Variants in GLRB observed in about 807,000 individuals in gnomAD.
GLRB encodes the protein glycine receptor subunit beta.
A neutral mutation model predicts 54.2 loss-of-function variants in GLRB; 33 were observed. That is an observed-to-expected ratio of 0.61 (90% CI 0.46 to 0.81). GLRB has a LOEUF of 0.81. GLRB is among the 40% of genes least tolerant of loss of function. GLRB has a pLI of 0.00. For synonymous variants in GLRB, 209 were observed against 208.2 expected (o/e 1.00, Z -0.03); for missense variants, 572 against 584.6 (o/e 0.98, Z 0.22).
At chr4:157,150,213 G>A (rs966347130) in intron 8 of GLRB, among the ~76,000 whole-genome samples, 8 of 152,052 alleles carry the variant, frequency 5.3e-5, no homozygotes, top group African/African-American at 1.9e-4. Context: ...TTTTTACAAA[G>A]TAGCATTATT....
intron 2 of GLRB, among the ~76,000 whole-genome samples, chr4:157,083,330 C>T (rs1384324017): frequency 6.6e-6 from 1 of 151,978 alleles, no homozygotes; most frequent in African/African-American, 2.4e-5. Flanking sequence ...TTGCTTGGCA[C>T]CAATAATTAA....
At chr4:157,155,817 A>T (rs949083912) in intron 9 of GLRB, among the ~76,000 whole-genome samples, 5 of 152,084 alleles carry the variant, frequency 3.3e-5, no homozygotes, top group African/African-American at 1.2e-4. Context: ...GCTTGTTGAA[A>T]ATATAGATGT....
chr4:157,093,189 A>G (rs891003592), intron 2 of GLRB, among the ~76,000 whole-genome samples: 8 of 151,598 alleles, frequency 5.3e-5, no homozygotes, highest in African/African-American at 1.9e-4. Context: ...ATAGAATGCT[A>G]CTTTCTGAGC....
chr4:157,143,206 C>T (rs1397617044), intron 7 of GLRB, among the ~76,000 whole-genome samples: 1 of 151,954 alleles, frequency 6.6e-6, no homozygotes, highest in Non-Finnish European at 1.5e-5. Flanking sequence ...GAGGAATATC[C>T]GATGTTTGCA....
intron 2 of GLRB, among the ~76,000 whole-genome samples, chr4:157,117,714 G>A (rs1180035997): frequency 1.3e-5 from 2 of 151,594 alleles, no homozygotes; most frequent in Non-Finnish European, 3.0e-5. Context: ...ACATGAGGCT[G>A]AAATATACCT....
At chr4:157,160,856 T>A (rs1309694144) in intron 9 of GLRB, among the ~76,000 whole-genome samples, 3 of 152,212 alleles carry the variant, frequency 2.0e-5, no homozygotes, top group Non-Finnish European at 2.9e-5. Context: ...GCCCACTTGG[T>A]GCAGAGCTGA....
At position 157,126,397 on chromosome 4, in the gene GLRB, G is replaced by A. The variant is rs773991262; in HGVS notation, c.297+4000G>A. On this transcript the variant is annotated intron_variant, in intron 4 of 9. Coordinates refer to ENST00000264428, the MANE Select transcript of GLRB (RefSeq NM_000824.5). ...CTTCAGCCTGTTTTATGGCCTCATTGTGAAGCTTTATAGTTCCTATTTCTC... is the reference window on the plus strand; with the variant it reads ...CTTCAGCCTGTTTTATGGCCTCATTATGAAGCTTTATAGTTCCTATTTCTC... Among the ~76,000 whole-genome samples the A allele has an allele frequency of 7.9e-5, 12 of 151,756 alleles. No homozygotes were observed. In the South Asian group the frequency reaches 2.3e-3, roughly 29 times the overall value.
intron 2 of GLRB, among the ~76,000 whole-genome samples, chr4:157,094,170 G>T (rs1313146859): frequency 1.3e-5 from 2 of 152,130 alleles, no homozygotes; most frequent in Non-Finnish European, 2.9e-5. Flanking sequence ...CCAGCACACG[G>T]ATCTAGAAAC....
chr4:157,082,970 A>ATT (rs900313612), intron 2 of GLRB, among the ~76,000 whole-genome samples: 2 of 148,046 alleles, frequency 1.4e-5, no homozygotes, highest in African/African-American at 4.9e-5. Flanking sequence ...TGTTTTATAT[A>ATT]TATATATATA....
intron 2 of GLRB, among the ~76,000 whole-genome samples, chr4:157,107,477 T>C (rs1735268056): frequency 6.6e-6 from 1 of 152,076 alleles, no homozygotes; most frequent in South Asian, 2.1e-4. Flanking sequence ...GTCTTATTGC[T>C]GAGCTGGAGA....
At chr4:157,136,163 A>G (rs151147436) in intron 4 of GLRB, among the ~76,000 whole-genome samples, 1 of 152,172 alleles carries the variant, frequency 6.6e-6, no homozygotes, top group African/African-American at 2.4e-5. Context: ...TGGTACTACC[A>G]TCTAATCAAC....
chr4:157,088,701 G>T (rs1315314931), intron 2 of GLRB, among the ~76,000 whole-genome samples: 1 of 152,006 alleles, frequency 6.6e-6, no homozygotes, highest in Non-Finnish European at 1.5e-5. Flanking sequence ...AGCAAAAAAA[G>T]AACTTTTTTA....
intron 2 of GLRB, among the ~76,000 whole-genome samples, chr4:157,082,656 A>G (rs1734264776): frequency 6.6e-6 from 1 of 152,126 alleles, no homozygotes; most frequent in African/African-American, 2.4e-5. Flanking sequence ...ACCCTGGATT[A>G]TGTTACCTGG....
chr4:157,168,375 A>G (rs74901800), intron 9 of GLRB, among the ~76,000 whole-genome samples: 4,205 of 152,316 alleles, frequency 0.028, 77 homozygotes, highest in African/African-American at 0.059. Context: ...CCTACAATTA[A>G]TAATTTCTCA....
intron 2 of GLRB, among the ~76,000 whole-genome samples, chr4:157,081,600 C>T (rs575136779): frequency 1.3e-5 from 2 of 152,282 alleles, no homozygotes; most frequent in South Asian, 2.1e-4. Flanking sequence ...TCTACCTTAG[C>T]TTCTCAAATT....
chr4:157,092,554 A>T (rs1317770957), intron 2 of GLRB, among the ~76,000 whole-genome samples: 1 of 152,160 alleles, frequency 6.6e-6, no homozygotes, highest in Non-Finnish European at 1.5e-5. Flanking sequence ...ACACCTAATT[A>T]TGGGGAAAAT....
intron 4 of GLRB, among the ~76,000 whole-genome samples, chr4:157,132,573 T>C (rs1157868202): frequency 6.6e-6 from 1 of 151,828 alleles, no homozygotes; most frequent in Non-Finnish European, 1.5e-5. Context: ...GATGTGATCA[T>C]TTATTCTCTC....
intron 2 of GLRB, among the ~76,000 whole-genome samples, chr4:157,102,015 C>G (rs1579198989): frequency 6.6e-6 from 1 of 152,056 alleles, no homozygotes; most frequent in Non-Finnish European, 1.5e-5. Flanking sequence ...AATAGCTATG[C>G]AAACAGTTCA....
chr4:157,096,697 A>G (rs1415137515), intron 2 of GLRB, among the ~76,000 whole-genome samples: 1 of 152,172 alleles, frequency 6.6e-6, no homozygotes, highest in Non-Finnish European at 1.5e-5. Flanking sequence ...TATTTCAATG[A>G]AGATATCATT....
Sources: allele counts gnomAD v4.1 joint callset (sites outside exome capture counted in the v4.1 genomes callset), GRCh38; gene constraint gnomAD v4.1.1; transcripts MANE v1.5; gene names NCBI Gene and HGNC (gene_info 2026-07-23, HGNC 2026-07-21).